The following TCF7L2 variants were observed in gnomAD, a reference collection of about 807,000 sequenced individuals.
TCF7L2 encodes transcription factor 7-like 2.
TCF7L2 carries 23 observed loss-of-function variants against 77.9 expected under a neutral mutation model. That is an observed-to-expected ratio of 0.30 (90% CI 0.21 to 0.42). The LOEUF is 0.42. TCF7L2 is among the 10% of genes least tolerant of loss of function. TCF7L2 has a pLI of 1.00. For synonymous variants in TCF7L2, 413 were observed against 340.2 expected (o/e 1.21, Z -2.36); for missense variants, 654 against 793.1 (o/e 0.82, Z 2.11).
At chr10:113,021,781 T>A (rs1468285041) in intron 4 of TCF7L2, among the ~76,000 whole-genome samples, 1 of 152,220 alleles carries the variant, frequency 6.6e-6, no homozygotes, top group Non-Finnish European at 1.5e-5. Flanking sequence ...CTTGGCTTGT[T>A]GACAGCGTGG....
intron 5 of TCF7L2, among the ~76,000 whole-genome samples, chr10:113,118,892 T>C (rs1320166660): frequency 6.6e-6 from 1 of 152,158 alleles, no homozygotes; most frequent in East Asian, 1.9e-4. Flanking sequence ...TAATTTTCTT[T>C]GCTATTTGGA....
At chr10:113,048,106 C>CA (rs2053774764) in intron 5 of TCF7L2, among the ~76,000 whole-genome samples, 2 of 152,084 alleles carry the variant, frequency 1.3e-5, no homozygotes, top group African/African-American at 4.8e-5. Flanking sequence ...GAGCTCTTCC[C>CA]AGGACGAGGG....
intron 5 of TCF7L2, among the ~76,000 whole-genome samples, chr10:113,137,441 C>T (rs2067593765): frequency 6.6e-6 from 1 of 152,246 alleles, no homozygotes; most frequent in Non-Finnish European, 1.5e-5. Context: ...ACACGATTCT[C>T]ATCCAGAGTT....
chr10:113,139,559 A>G (rs1489888790), intron 5 of TCF7L2, among the ~76,000 whole-genome samples: 2 of 149,700 alleles, frequency 1.3e-5, no homozygotes, highest in Non-Finnish European at 2.9e-5. Context: ...ACATAACACA[A>G]AGCTCCTGTA....
chr10:112,952,857 AC>A (rs1457363572), intron 3 of TCF7L2, among the ~76,000 whole-genome samples: 2 of 135,200 alleles, frequency 1.5e-5, no homozygotes, highest in Non-Finnish European at 3.2e-5. Context: ...CTCACCCTGA[AC>A]CCCCTCCTCC....
intron 5 of TCF7L2, 80 bp downstream of exon 5, chr10:113,040,206 T>C: frequency 8.6e-7 from 1 of 1,164,970 alleles, no homozygotes; most frequent in Non-Finnish European, 1.2e-6. Flanking sequence ...TAACAGGCCT[T>C]ATTTGTCATT....
chr10:112,996,097 T>C (rs1459228970), intron 4 of TCF7L2, among the ~76,000 whole-genome samples: 1 of 152,172 alleles, frequency 6.6e-6, no homozygotes, highest in Non-Finnish European at 1.5e-5. Flanking sequence ...GGCATTCATT[T>C]ACAGAGGATC....
intron 4 of TCF7L2, among the ~76,000 whole-genome samples, chr10:112,993,155 C>A (rs1302993928): frequency 6.6e-6 from 1 of 152,216 alleles, no homozygotes; most frequent in Non-Finnish European, 1.5e-5. Context: ...CCTCTCCCCA[C>A]TCCATTTTGT....
At chr10:113,117,841 GCTGCTGTTT>G (rs2064076785) in intron 5 of TCF7L2, among the ~76,000 whole-genome samples, 1 of 152,190 alleles carries the variant, frequency 6.6e-6, no homozygotes, top group Non-Finnish European at 1.5e-5. Flanking sequence ...CCGGGGTGTA[GCTGCTGTTT>G]CTGCTCCGCC....
rs867720073 is a variant in TCF7L2, at chr10:113,152,430, G to A, written c.1259G>A (p.Arg420Gln). The A allele has an allele frequency of 6.2e-7, 1 of 1,613,574 alleles. No homozygotes were observed. Among genetic ancestry groups the A allele is most frequent in the Non-Finnish European group, 8.5e-7 (1 of 1,179,702 alleles). Residue 420 changes from arginine to glutamine, a missense_variant, in exon 11 of 14, where the codon CGG (arginine) becomes CAG (glutamine). Arg to Gln is a conservative substitution (Grantham distance 43). Around this residue, in one of 6 missense-constraint regions of TCF7L2, gnomAD observed 31 missense variants for 116.1 expected, o/e 0.27. Transcript: ENST00000627217. ...CAACTGTACCCCGGCTGGTCCGCGC[G>A]GGATAACTATGTAGGTGGATCATTT...
chr10:113,160,092 T>C, intron 12 of TCF7L2, 100 bp downstream of exon 14: 1 of 1,073,532 alleles, frequency 9.3e-7, no homozygotes, highest in Admixed American at 2.0e-5. Flanking sequence ...TGTGTGTGGA[T>C]CTCAGGAGAC....
At chr10:113,031,646 C>A (rs947631145) in intron 4 of TCF7L2, among the ~76,000 whole-genome samples, 6 of 152,230 alleles carry the variant, frequency 3.9e-5, no homozygotes, top group African/African-American at 1.4e-4. Context: ...TGCCACCACA[C>A]CCAGCTAATT....
At chr10:113,092,632 G>A (rs932243004) in intron 5 of TCF7L2, among the ~76,000 whole-genome samples, 2 of 152,174 alleles carry the variant, frequency 1.3e-5, no homozygotes, top group Non-Finnish European at 1.5e-5. Context: ...TGTAATCCCA[G>A]CACTTCAGAA....
At chr10:113,120,905 T>C (rs775094707) in intron 5 of TCF7L2, among the ~76,000 whole-genome samples, 11 of 152,202 alleles carry the variant, frequency 7.2e-5, no homozygotes, top group Non-Finnish European at 1.2e-4. Context: ...GTCACCTGCA[T>C]CTCTTTCATC....
rs1413814793 is a variant in TCF7L2, at chr10:112,950,980, ATC to A, written c.189+37_189+38del. The A allele has an allele frequency of 2.5e-5, 39 of 1,587,492 alleles. 1 individual carries two copies. In the East Asian group the frequency reaches 7.0e-4, roughly 28 times the overall value. On this transcript the variant is annotated intron_variant, in intron 1 of 13. Coordinates refer to ENST00000627217, the MANE Select transcript of TCF7L2 (RefSeq NM_001146274.2). ...GCCCCTCGGGCTGGTGGGGTTTTTT[ATC>A]TGTTTCCTGGGCTTGGCAAATGTTG... is the stretch of plus-strand genomic sequence containing the variant.
chr10:112,985,963 C>T (rs1590020634), intron 4 of TCF7L2, among the ~76,000 whole-genome samples: 1 of 151,842 alleles, frequency 6.6e-6, no homozygotes, highest in Non-Finnish European at 1.5e-5. Flanking sequence ...TTTCTATATT[C>T]AAATCAAAGT....
intron 4 of TCF7L2, among the ~76,000 whole-genome samples, chr10:112,965,617 G>A: frequency 8.7e-6 from 1 of 115,238 alleles, no homozygotes; most frequent in African/African-American, 2.8e-5. Context: ...TAACTTGTCT[G>A]TGTGTGTGTA....
At chr10:113,012,836 T>G (rs554602910) in intron 4 of TCF7L2, among the ~76,000 whole-genome samples, 1 of 152,326 alleles carries the variant, frequency 6.6e-6, no homozygotes, top group Non-Finnish European at 1.5e-5. Context: ...AACACTCAAA[T>G]GTAGTTCACA....
At position 113,098,722 on chromosome 10, in the gene TCF7L2, C is replaced by CA. The variant is rs142770850; in HGVS notation, c.553-42454dup. Among the ~76,000 whole-genome samples the CA allele has an allele frequency of 7.5e-3, 1,139 of 151,668 alleles. 9 individuals carry two copies. The highest frequency in any genetic ancestry group is 0.02 in the Middle Eastern group (6 of 294). ...CTCTGTCTCAAAACAAAACAAAAAA[C>CA]AAAAAAAATGTATTTTAAAATATAT... On this transcript the variant is annotated intron_variant, in intron 5 of 13. Coordinates refer to ENST00000627217, the MANE Select transcript of TCF7L2 (RefSeq NM_001146274.2).
Sources: gnomAD v4.1 joint callset for allele counts (sites outside exome capture counted in the v4.1 genomes callset) on GRCh38, gnomAD v4.1.1 for gene constraint, gnomAD v4.1.1 regional missense constraint, MANE v1.5 for transcripts, NCBI Gene and HGNC (gene_info 2026-07-23, HGNC 2026-07-21) for gene names.